Variants in CACNA2D3 observed in about 807,000 individuals in gnomAD.
CACNA2D3 encodes the protein voltage-dependent calcium channel subunit alpha-2/delta-3.
CACNA2D3 carries 60 observed loss-of-function variants against 160.6 expected under a neutral mutation model. The ratio of observed to expected loss-of-function variants is 0.37; its 90% CI spans 0.30 to 0.46. The LOEUF (loss-of-function observed/expected upper bound fraction) is 0.46. Ranked by LOEUF, CACNA2D3 falls within the 20% of genes least tolerant of loss-of-function variation. CACNA2D3 has a pLI of 1.00. For missense variants in CACNA2D3, 1,205 were observed against 1,365.0 expected (o/e 0.88, Z 1.85); for synonymous variants, 558 against 492.9 (o/e 1.13, Z -1.75).
intron 2 of CACNA2D3, among the ~76,000 whole-genome samples, chr3:54,279,661 T>C (rs1702825499): frequency 6.6e-6 from 1 of 152,238 alleles, no homozygotes; most frequent in Admixed American, 6.5e-5. Context: ...AGCCCTGTTG[T>C]ACCTACAGGC....
At chr3:54,581,315 CA>C (rs1702673667) in intron 8 of CACNA2D3, among the ~76,000 whole-genome samples, 2 of 152,194 alleles carry the variant, frequency 1.3e-5, no homozygotes, top group African/African-American at 4.8e-5. Flanking sequence ...GTTTCCTGAT[CA>C]GCACCCACAT....
At chr3:54,545,192 T>G (rs144113949) in intron 5 of CACNA2D3, among the ~76,000 whole-genome samples, 109 of 152,368 alleles carry the variant, frequency 7.2e-4, no homozygotes, top group African/African-American at 2.5e-3. Flanking sequence ...GTTTATTTTT[T>G]CAAATTTGAA....
chr3:55,041,578 A>G (rs942010473), intron 35 of CACNA2D3, among the ~76,000 whole-genome samples: 1 of 152,150 alleles, frequency 6.6e-6, no homozygotes, highest in African/African-American at 2.4e-5. Flanking sequence ...ATGTGTTGCA[A>G]ATGATTTTCT....
intron 3 of CACNA2D3, among the ~76,000 whole-genome samples, chr3:54,350,982 G>GTTTGTTTTTTTTTTTTTTTTTTT (rs1698548162): frequency 1.6e-5 from 1 of 61,800 alleles, no homozygotes; most frequent in Non-Finnish European, 3.0e-5. Context: ...TTTTTTTTTT[G>GTTTGTTTTTTTTTTTTTTTTTTT]TTTGTTTTTT....
At chr3:54,661,846 A>ATGTGTG (rs869104703) in intron 11 of CACNA2D3, among the ~76,000 whole-genome samples, 331 of 16,428 alleles carry the variant, frequency 0.02, 2 homozygotes, top group African/African-American at 0.1. Flanking sequence ...GGATGTGTGT[A>ATGTGTG]TGTGTGTGTG....
chr3:55,050,989 C>G (rs1704188855), intron 35 of CACNA2D3, among the ~76,000 whole-genome samples: 2 of 141,814 alleles, frequency 1.4e-5, no homozygotes, highest in Non-Finnish European at 3.1e-5. Flanking sequence ...ATTGGTTATT[C>G]TAGTTATACA....
intron 4 of CACNA2D3, among the ~76,000 whole-genome samples, chr3:54,404,953 T>C (rs1699545765): frequency 8.2e-6 from 1 of 121,888 alleles, no homozygotes; most frequent in Non-Finnish European, 1.7e-5. Flanking sequence ...TATAAAACAT[T>C]GATGAAACAA....
chr3:55,044,849 A>G (rs1430924658), intron 35 of CACNA2D3, among the ~76,000 whole-genome samples: 1 of 152,150 alleles, frequency 6.6e-6, no homozygotes, highest in Non-Finnish European at 1.5e-5. Context: ...AAGTTTGTCA[A>G]ATATTTTTTC....
intron 13 of CACNA2D3, among the ~76,000 whole-genome samples, chr3:54,767,704 A>G (rs1477702008): frequency 6.6e-6 from 1 of 152,172 alleles, no homozygotes; most frequent in Non-Finnish European, 1.5e-5. Flanking sequence ...CAATAATAAT[A>G]ATAAGCTTGG....
intron 27 of CACNA2D3, among the ~76,000 whole-genome samples, chr3:54,967,515 G>A (rs1437385656): frequency 1.3e-5 from 2 of 152,150 alleles, no homozygotes; most frequent in Non-Finnish European, 2.9e-5. Flanking sequence ...TGCAAATATG[G>A]TAAAAATGGG....
At chr3:54,361,308 C>T (rs1698739255) in intron 3 of CACNA2D3, among the ~76,000 whole-genome samples, 1 of 151,830 alleles carries the variant, frequency 6.6e-6, no homozygotes, top group Admixed American at 6.6e-5. Context: ...GTATCATGCC[C>T]AGGTCAAACA....
At chr3:54,453,243 T>G (rs1700340009) in intron 4 of CACNA2D3, among the ~76,000 whole-genome samples, 1 of 152,214 alleles carries the variant, frequency 6.6e-6, no homozygotes, top group South Asian at 2.1e-4. Flanking sequence ...TCTGCCCTCC[T>G]TAACCTCCTG....
intron 17 of CACNA2D3, among the ~76,000 whole-genome samples, chr3:54,851,244 A>G (rs1028016647): frequency 1.3e-5 from 2 of 152,220 alleles, no homozygotes; most frequent in Admixed American, 1.3e-4. Flanking sequence ...GTGCCTTGGA[A>G]AGGCCTAGAG....
Position 54,717,655 on chromosome 3 carries a change from C to T in CACNA2D3, c.1168-34944C>T, listed in dbSNP as rs185641587. Among the ~76,000 whole-genome samples, 62 of 109,974 alleles carry T rather than the reference C, an allele frequency of 5.6e-4. No individual in the cohort carries two copies. In the East Asian group the frequency reaches 0.016, roughly 29 times the overall value. 72.1% of individuals were successfully genotyped at this position (109,974 alleles called of 152,430 possible). ...GTGTGTGGTGTGTGCGTGTCTGGTG[C>T]GTGTGTATGCATGTGTGGTGTGTGT... On this transcript the variant is annotated intron_variant, in intron 11 of 37. Coordinates refer to ENST00000474759, the MANE Select transcript of CACNA2D3 (RefSeq NM_018398.3).
At chr3:54,635,785 C>CAAAG (rs1460932220) in intron 10 of CACNA2D3, among the ~76,000 whole-genome samples, 1 of 151,738 alleles carries the variant, frequency 6.6e-6, no homozygotes, top group Non-Finnish European at 1.5e-5. Flanking sequence ...GCCTGAAAAA[C>CAAAG]TGCTTGGCTG....
At chr3:54,488,716 A>G (rs1701058610) in intron 4 of CACNA2D3, among the ~76,000 whole-genome samples, 1 of 152,086 alleles carries the variant, frequency 6.6e-6, no homozygotes, top group Non-Finnish European at 1.5e-5. Context: ...TCTGTATTGT[A>G]TTAGATACCG....
chr3:54,667,186 C>T (rs1490801441), intron 11 of CACNA2D3, among the ~76,000 whole-genome samples: 6 of 152,100 alleles, frequency 3.9e-5, no homozygotes, highest in Non-Finnish European at 8.8e-5. Context: ...CTGATTGGAT[C>T]ATTTATGAGA....
chr3:54,309,106 C>A lies in CACNA2D3; in HGVS notation c.205-11336C>A, dbSNP rs185990361. 1.1e-3 allele frequency among the ~76,000 whole-genome samples: 160 copies of A among 152,348 alleles called. 1 individual carries two copies. The highest frequency in any genetic ancestry group is 2.2e-4 in the Non-Finnish European group (15 of 68,040). On this transcript the variant is annotated intron_variant, in intron 2 of 37. Coordinates refer to ENST00000474759, the MANE Select transcript of CACNA2D3 (RefSeq NM_018398.3). ...GATGTATGTATAGCGTAAATATTCT[C>A]ATTTCAGAGCCTCAGATGCCCATGC...
intron 11 of CACNA2D3, among the ~76,000 whole-genome samples, chr3:54,655,468 A>G (rs982204843): frequency 3.9e-5 from 6 of 152,226 alleles, no homozygotes; most frequent in African/African-American, 1.2e-4. Flanking sequence ...TAGTTAAAAC[A>G]TAGTTGTACT....
Sources: allele counts gnomAD v4.1 joint callset (sites outside exome capture counted in the v4.1 genomes callset), GRCh38; gene constraint gnomAD v4.1.1; transcripts MANE v1.5; gene names NCBI Gene and HGNC (gene_info 2026-07-23, HGNC 2026-07-21).